The following UBAP2 variants were observed in gnomAD, a reference collection of about 807,000 sequenced individuals.
The protein encoded by UBAP2 is ubiquitin associated protein 2.
In UBAP2, 75 loss-of-function variants were observed where a neutral mutation model predicts 139.6. The observed-to-expected ratio is 0.54, with a 90% confidence interval of 0.45 to 0.65. The LOEUF is 0.65. Among genes scored for constraint, UBAP2 ranks in the 30% least tolerant of loss-of-function variants. The pLI is 0.00. For missense variants in UBAP2, 1,368 were observed against 1,369.6 expected (o/e 1.00, Z 0.02); for synonymous variants, 526 against 526.2 (o/e 1.00, Z 0.01).
Position 33,932,584 on chromosome 9 carries a change from A to AG in UBAP2, c.2152dup (p.Leu718ProfsTer44). On this transcript the variant is annotated frameshift_variant, in exon 19 of 29. Transcript: ENST00000379238. LOFTEE classifies it high-confidence loss of function. ...TACTGTGTGTGACGTGCTCGAGGAG[A>AG]GGGCTGCATGTGCAGAGAGGCTGCT... 3.7e-6 allele frequency: 6 copies of AG among 1,614,022 alleles called. No homozygotes were observed. The highest frequency in any genetic ancestry group is 5.1e-6 in the Non-Finnish European group (6 of 1,180,022).
At chr9:33,959,938 A>G (rs912284221) in intron 10 of UBAP2, among the ~76,000 whole-genome samples, 6 of 151,974 alleles carry the variant, frequency 3.9e-5, no homozygotes, top group Non-Finnish European at 7.4e-5. Context: ...CACCTGGTAA[A>G]TTTTGTTTGT....
intron 4 of UBAP2, among the ~76,000 whole-genome samples, chr9:33,992,511 G>C (rs1314500240): frequency 6.6e-6 from 1 of 151,888 alleles, no homozygotes; most frequent in African/African-American, 2.4e-5. Context: ...AGTGAGCTGA[G>C]ATCATGCCAT....
chr9:34,014,662 TTGCC>T (rs1190618861), intron 2 of UBAP2, among the ~76,000 whole-genome samples: 1 of 151,308 alleles, frequency 6.6e-6, no homozygotes, highest in African/African-American at 2.4e-5. Context: ...AGGCATGATG[TTGCC>T]TGCCTGTAGT....
intron 1 of UBAP2, among the ~76,000 whole-genome samples, chr9:34,028,395 T>TATTTATTTATTC (rs57289299): frequency 1.3e-5 from 2 of 151,550 alleles, no homozygotes; most frequent in Non-Finnish European, 2.9e-5. Flanking sequence ...TTTATTTATT[T>TATTTATTTATTC]TGAGATGGAG....
At chr9:33,991,494 T>G (rs546769597) in intron 4 of UBAP2, among the ~76,000 whole-genome samples, 2 of 152,226 alleles carry the variant, frequency 1.3e-5, no homozygotes, top group African/African-American at 4.8e-5. Context: ...AAGAGGTCCT[T>G]GATAGAAAAA....
chr9:33,922,470 A>G lies in UBAP2; in HGVS notation c.*34T>C. 6.2e-7 allele frequency: 1 copy of G among 1,600,218 alleles called. No individual in the cohort carries two copies. The highest frequency in any genetic ancestry group is 8.5e-7 in the Non-Finnish European group (1 of 1,170,980). ...TCGTGTGTTCTCTCCTGCCCAGGAT[A>G]AGCCTTGCCCCAGCCCACCCCTCTC... On this transcript the variant is annotated 3_prime_UTR_variant, in exon 29 of 29. Transcript: ENST00000379238.
intron 1 of UBAP2, among the ~76,000 whole-genome samples, chr9:34,028,225 T>C (rs1421504230): frequency 6.6e-6 from 1 of 151,962 alleles, no homozygotes; most frequent in Admixed American, 6.6e-5. Flanking sequence ...TCAAACACTA[T>C]AGGACATCAA....
chr9:33,986,620 T>G, intron 6 of UBAP2, 140 bp downstream of exon 6: 1 of 756,596 alleles, frequency 1.3e-6, no homozygotes, highest in Non-Finnish European at 2.3e-6. Flanking sequence ...TTTACAGGCA[T>G]CAGTAAACAA....
intron 24 of UBAP2, 123 bp from the exon 25 acceptor site, chr9:33,923,601 A>G: frequency 9.1e-7 from 1 of 1,100,356 alleles, no homozygotes; most frequent in South Asian, 1.3e-5. Context: ...CTGTGTTTTC[A>G]TTAGTGCAAC....
chr9:34,008,174 C>T (rs1345723281), intron 2 of UBAP2, among the ~76,000 whole-genome samples: 1 of 151,826 alleles, frequency 6.6e-6, no homozygotes, highest in African/African-American at 2.4e-5. Context: ...TTAGCCGGGC[C>T]GGGCATGGTG....
intron 8 of UBAP2, among the ~76,000 whole-genome samples, chr9:33,967,080 C>A (rs1827523851): frequency 6.6e-6 from 1 of 152,066 alleles, no homozygotes; most frequent in African/African-American, 2.4e-5. Context: ...TTTTTCTAAT[C>A]TTACATATCT....
chr9:33,928,177 C>G, intron 19 of UBAP2, 185 bp from the exon 20 acceptor site: 1 of 570,262 alleles, frequency 1.8e-6, no homozygotes, highest in Non-Finnish European at 3.1e-6. Flanking sequence ...CACATAGCAG[C>G]TGGTTCCAGC....
chr9:33,995,670 T>C (rs1822144809), intron 4 of UBAP2: 2 of 145,212 alleles, frequency 1.4e-5, no homozygotes, highest in Non-Finnish European at 3.0e-5. Context: ...AATATAAATA[T>C]ATACACACAG....
At chr9:33,971,613 C>T (rs1482552531) in intron 8 of UBAP2, 38 bp downstream of exon 8, 8 of 1,172,602 alleles carry the variant, frequency 6.8e-6, no homozygotes, top group Non-Finnish European at 9.0e-6. Flanking sequence ...ATAGCTCAAA[C>T]ATTTAAAACT....
chr9:34,035,900 T>C (rs964331354), intron 1 of UBAP2, among the ~76,000 whole-genome samples: 1 of 151,774 alleles, frequency 6.6e-6, no homozygotes, highest in African/African-American at 2.4e-5. Flanking sequence ...TTCTCTCTTT[T>C]TTTTTTTGAG....
Position 33,980,200 on chromosome 9 carries a change from C to CCAAATCCTG in UBAP2, c.520+6551_520+6559dup, listed in dbSNP as rs1352518844. On this transcript the variant is annotated intron_variant, in intron 6 of 28. Transcript: ENST00000379238. ...GACATTCTAATAATTCTGCTTTAATCCAAATCCTGAGTGTCATTTCTTTTT... is the reference window on the plus strand; with the variant it reads ...GACATTCTAATAATTCTGCTTTAATCCAAATCCTGCAAATCCTGAGTGTCATTTCTTTTT... Among the ~76,000 whole-genome samples the CCAAATCCTG allele has an allele frequency of 4.3e-5, 6 of 141,106 alleles. No homozygotes were observed. The South Asian group carries it at 1.1e-3, about 27-fold the overall frequency. The allele number at this position is 141,106 out of a possible 152,430, so 92.6% of individuals were successfully genotyped here.
In UBAP2 at chr9:33,973,238, C is replaced by G; in HGVS notation, c.521-1G>C. Reference sequence around the variant, plus strand: ...CCTCTCCCTCTGCCACGTCCAAATCCTTTAAAAAAACACACAATTATAGTA... The same window carrying G: ...CCTCTCCCTCTGCCACGTCCAAATCGTTTAAAAAAACACACAATTATAGTA... On this transcript the variant is annotated splice_acceptor_variant, in intron 6 of 28. Coordinates refer to ENST00000379238, the MANE Select transcript of UBAP2 (RefSeq NM_001370062.2). LOFTEE classifies it high-confidence loss of function. 2 of 1,613,872 alleles carry G rather than the reference C, an allele frequency of 1.2e-6. No homozygotes were observed. The highest frequency in any genetic ancestry group is 1.7e-6 in the Non-Finnish European group (2 of 1,179,902).
chr9:33,968,417 G>T, intron 8 of UBAP2: 1 of 563,908 alleles, frequency 1.8e-6, no homozygotes, highest in South Asian at 1.4e-5. Context: ...CACCACCAGG[G>T]CATACATAGT....
At chr9:33,931,013 T>C (rs1349186409) in intron 19 of UBAP2, among the ~76,000 whole-genome samples, 1 of 152,076 alleles carries the variant, frequency 6.6e-6, no homozygotes, top group African/African-American at 2.4e-5. Context: ...TAGAGCCAAG[T>C]AGATGAGAGA....
Sources: gnomAD v4.1 joint callset for allele counts (sites outside exome capture counted in the v4.1 genomes callset) on GRCh38, gnomAD v4.1.1 for gene constraint, MANE v1.5 for transcripts, NCBI Gene and HGNC (gene_info 2026-07-23, HGNC 2026-07-21) for gene names.